Variants in TTC28 observed in about 807,000 individuals in gnomAD.
The protein encoded by TTC28 is tetratricopeptide repeat protein 28.
A neutral mutation model predicts 198.0 loss-of-function variants in TTC28; 61 were observed. The observed-to-expected ratio is 0.31, with a 90% CI of 0.25 to 0.38. The LOEUF (loss-of-function observed/expected upper bound fraction) is 0.38. Ranked by LOEUF, TTC28 falls within the 10% of genes least tolerant of loss-of-function variation. The pLI, the probability that TTC28 is intolerant of heterozygous loss-of-function variation, is 1.00. For missense variants in TTC28, 2,678 were observed against 3,164.0 expected, an observed-to-expected ratio of 0.85 and a Z score of 3.69; for synonymous variants, 1,171 against 1,297.8, an observed-to-expected ratio of 0.90 and a Z score of 2.10.
At chr22:28,620,746 G>A (rs780497602) in intron 2 of TTC28, among the ~76,000 whole-genome samples, 9 of 152,158 alleles carry the variant, frequency 5.9e-5, no homozygotes, top group African/African-American at 1.9e-4. Context: ...ACTTTCTACC[G>A]GGCCAAAGAA....
chr22:28,012,513 A>T (rs1938201804), intron 14 of TTC28, among the ~76,000 whole-genome samples: 1 of 152,002 alleles, frequency 6.6e-6, no homozygotes, highest in Non-Finnish European at 1.5e-5. Context: ...GGCTTTATGC[A>T]CCTGTATGTT....
chr22:28,404,437 A>G (rs1163596064), intron 2 of TTC28, among the ~76,000 whole-genome samples: 1 of 152,094 alleles, frequency 6.6e-6, no homozygotes, highest in Non-Finnish European at 1.5e-5. Flanking sequence ...ATTTTTTAAG[A>G]TATACACACA....
rs564625983 is a variant in TTC28 at position 28,060,878 on chromosome 22, C to T, written c.3933-30512G>A. Among the ~76,000 whole-genome samples the T allele has an allele frequency of 1.8e-4, 27 of 152,272 alleles. No homozygotes were observed. The South Asian group carries it at 5.4e-3, about 30-fold the overall frequency. On this transcript the variant is annotated intron_variant, in intron 12 of 22. Transcript: ENST00000397906. ...CTATTTCTCCACATCCTCTCCAGCA[C>T]CTGTTGTTTCCTGACTTTTTAATGA...
At chr22:28,132,466 T>C (rs1214852479) in intron 6 of TTC28, among the ~76,000 whole-genome samples, 3 of 152,240 alleles carry the variant, frequency 2.0e-5, no homozygotes, top group African/African-American at 7.2e-5. Flanking sequence ...AAATCTGTTG[T>C]GTGATCTCAT....
intron 6 of TTC28, among the ~76,000 whole-genome samples, chr22:28,135,314 C>G (rs1335363332): frequency 6.6e-6 from 1 of 152,044 alleles, no homozygotes; most frequent in Non-Finnish European, 1.5e-5. Flanking sequence ...TAAGAAAATG[C>G]TTATTTATAT....
At chr22:28,405,279 A>G (rs1261136437) in intron 2 of TTC28, among the ~76,000 whole-genome samples, 1 of 152,214 alleles carries the variant, frequency 6.6e-6, no homozygotes, top group East Asian at 1.9e-4. Context: ...TGATTGCATT[A>G]AAAATATTAA....
In TTC28 at chr22:28,641,407, G is replaced by C. The variant is rs181074500; in HGVS notation, c.103-11577C>G. Among the ~76,000 whole-genome samples the C allele has an allele frequency of 2.8e-3, 422 of 152,106 alleles. 3 individuals carry two copies. The highest frequency in any genetic ancestry group is 4.7e-3 in the Non-Finnish European group (319 of 68,010). ...ATATTATGTTAAGTGCAAGAAGCAA[G>C]TCACAAAAGGCCATATACTGTATGA... On this transcript the variant is annotated intron_variant, in intron 1 of 22. Coordinates refer to ENST00000397906, the MANE Select transcript of TTC28 (RefSeq NM_001145418.2).
chr22:28,090,144 T>G (rs1941768707), intron 12 of TTC28, among the ~76,000 whole-genome samples: 4 of 149,254 alleles, frequency 2.7e-5, no homozygotes, highest in Admixed American at 2.7e-4. Context: ...TATGCCTAAT[T>G]GTAAAAAAAA....
intron 2 of TTC28, among the ~76,000 whole-genome samples, chr22:28,487,803 C>A (rs1352959281): frequency 6.6e-6 from 1 of 152,058 alleles, no homozygotes; most frequent in African/African-American, 2.4e-5. Flanking sequence ...AAAGCCAAGT[C>A]CTCATTTTTG....
intron 10 of TTC28, among the ~76,000 whole-genome samples, chr22:28,098,167 G>C (rs1012831010): frequency 6.6e-6 from 1 of 152,184 alleles, no homozygotes; most frequent in Non-Finnish European, 1.5e-5. Flanking sequence ...CATAGGCTTG[G>C]GAGAATCATC....
At chr22:28,361,481 G>A (rs572790799) in intron 2 of TTC28, among the ~76,000 whole-genome samples, 3 of 152,202 alleles carry the variant, frequency 2.0e-5, no homozygotes, top group South Asian at 2.1e-4. Flanking sequence ...TCTGAGAGAG[G>A]GGAAGAAGCT....
At position 28,343,005 on chromosome 22, in the gene TTC28, A is replaced by G. The variant is rs571339647; in HGVS notation, c.382-36362T>C. On this transcript the variant is annotated intron_variant, in intron 2 of 22. Coordinates refer to ENST00000397906, the MANE Select transcript of TTC28 (RefSeq NM_001145418.2). ...TACTCTCACAAAATAAAGTGAAAAT[A>G]AATATTTTCACTATGAAAACATCTA... Among the ~76,000 whole-genome samples, 5 of 152,324 alleles carry G rather than the reference A, an allele frequency of 3.3e-5. No individual in the cohort carries two copies. In the South Asian group the frequency reaches 1.0e-3, roughly 32 times the overall value.
At chr22:28,365,736 T>G (rs139196336) in intron 2 of TTC28, among the ~76,000 whole-genome samples, 1 of 152,372 alleles carries the variant, frequency 6.6e-6, no homozygotes, top group Non-Finnish European at 1.5e-5. Flanking sequence ...GTGTATTACT[T>G]CTAATCACTT....
chr22:28,369,406 CAT>C (rs1409480125), intron 2 of TTC28, among the ~76,000 whole-genome samples: 1 of 152,208 alleles, frequency 6.6e-6, no homozygotes, highest in Non-Finnish European at 1.5e-5. Context: ...GTATCATTAA[CAT>C]GTGTCAACTA....
intron 2 of TTC28, among the ~76,000 whole-genome samples, chr22:28,618,512 T>G (rs1461741577): frequency 6.6e-6 from 1 of 151,832 alleles, no homozygotes; most frequent in East Asian, 1.9e-4. Context: ...TGAAACCCTG[T>G]CTTTACTAAA....
chr22:27,992,731 CA>C, intron 18 of TTC28, 68 bp from the exon 19 acceptor site: 2 of 1,458,668 alleles, frequency 1.4e-6, no homozygotes, highest in Non-Finnish European at 1.9e-6. Flanking sequence ...GCCACCTTCC[CA>C]GGGGAAAGAA....
At chr22:28,331,241 G>C (rs1046865710) in intron 2 of TTC28, among the ~76,000 whole-genome samples, 1 of 152,144 alleles carries the variant, frequency 6.6e-6, no homozygotes, top group African/African-American at 2.4e-5. Flanking sequence ...GTAAGTGTCA[G>C]AACAGAGATT....
At chr22:28,039,349 G>A (rs1939511365) in intron 12 of TTC28, among the ~76,000 whole-genome samples, 1 of 152,232 alleles carries the variant, frequency 6.6e-6, no homozygotes, top group East Asian at 1.9e-4. Flanking sequence ...CATAAAAAAG[G>A]ATGAGTTCAT....
intron 1 of TTC28, 73 bp downstream of exon 1, chr22:28,679,549 G>A (rs1480122090): frequency 1.9e-6 from 2 of 1,053,412 alleles, no homozygotes; most frequent in East Asian, 3.3e-5. Context: ...CTCTGCCGCT[G>A]AGGCCCGGCC....
Sources: allele counts gnomAD v4.1 joint callset (sites outside exome capture counted in the v4.1 genomes callset), GRCh38; gene constraint gnomAD v4.1.1; transcripts MANE v1.5; gene names NCBI Gene and HGNC (gene_info 2026-07-23, HGNC 2026-07-21).